The following KMT2A variants were observed in gnomAD, a reference collection of about 807,000 sequenced individuals.
KMT2A encodes lysine methyltransferase 2A, also known as histone-lysine N-methyltransferase 2A.
In KMT2A, 16 loss-of-function variants were observed where a neutral mutation model predicts 345.3. That is an observed-to-expected ratio of 0.05 (90% CI 0.03 to 0.07). The LOEUF (loss-of-function observed/expected upper bound fraction) is 0.07, where lower values mean the gene tolerates loss of function less well. KMT2A is among the 10% of genes least tolerant of loss of function. KMT2A has a pLI of 1.00. For synonymous variants in KMT2A, 1,599 were observed against 1,778.6 expected, an observed-to-expected ratio of 0.90 and a Z score of 2.54; for missense variants, 3,272 against 4,841.6, an observed-to-expected ratio of 0.68 and a Z score of 9.62.
Position 118,509,184 on chromosome 11 carries a change from T to C in KMT2A, c.10884T>C (p.Asn3628=), listed in dbSNP as rs1950640978. The change falls in exon 29 of 36, where the codon AAT becomes AAC. Residue 3628 remains asparagine (N), a synonymous_variant. Coordinates refer to ENST00000534358, the MANE Select transcript of KMT2A (RefSeq NM_001197104.2). ...TTCAGGTGACCCAAAATCCAGCAAA[T>C]GAACAAGAAAGTGCAGGTATGTGGG... ...PEVQVTQNPA[N]EQESAEPKTV... 1 of 1,613,608 alleles carries C rather than the reference T, an allele frequency of 6.2e-7. No homozygotes were observed. The highest frequency in any genetic ancestry group is 1.3e-5 in the African/African-American group (1 of 74,858).
chr11:118,519,061 G>C (rs1464814425), intron 31 of KMT2A, among the ~76,000 whole-genome samples: 2 of 113,026 alleles, frequency 1.8e-5, no homozygotes, highest in African/African-American at 3.4e-5. Flanking sequence ...CTGGGTGGCA[G>C]AGTGAGACTC....
chr11:118,498,565 A>G lies in KMT2A; in HGVS notation c.5961+37A>G. The G allele has an allele frequency of 6.5e-7, 1 of 1,536,018 alleles. No homozygotes were observed. The highest frequency in any genetic ancestry group is 8.7e-7 in the Non-Finnish European group (1 of 1,142,944). ...TTAGTTGCTTTAAAAAAAAAAAAAA[A>G]GACTTTTTTAGAGCAGTTTTAGGTT... On this transcript the variant is annotated intron_variant, in intron 22 of 35. Coordinates refer to ENST00000534358, the MANE Select transcript of KMT2A (RefSeq NM_001197104.2). This position sits in a 1 kb window ranked among gnomAD's most constrained non-coding sequence, Gnocchi z 4.4.
intron 31 of KMT2A, chr11:118,512,241 A>AATTATAGAAC: frequency 1.7e-6 from 1 of 573,966 alleles, no homozygotes; most frequent in South Asian, 2.3e-5. Flanking sequence ...ACTACTCTAT[A>AATTATAGAAC]ATTCTAGAAC....
intron 11 of KMT2A, among the ~76,000 whole-genome samples, chr11:118,489,491 G>T (rs1197648685): frequency 1.3e-5 from 2 of 151,912 alleles, no homozygotes; most frequent in Non-Finnish European, 2.9e-5. Flanking sequence ...CATTTAATTG[G>T]GTGTAATCAG....
At position 118,473,397 on chromosome 11, in the gene KMT2A, T is replaced by A. The variant is rs2134266956; in HGVS notation, c.2238T>A (p.Ser746=). ...GAAAAGTGTTTAGTCCTATTCGATCTGAACCAAGATCTCCTTCTCACTCCA... is the reference window on the plus strand; with the variant it reads ...GAAAAGTGTTTAGTCCTATTCGATCAGAACCAAGATCTCCTTCTCACTCCA... ...RKRKVFSPIR[S]EPRSPSHSMR... is the part of the protein sequence containing the mutation. Residue 746 remains serine, a synonymous_variant, in exon 3 of 36, where the codon TCT becomes TCA. Transcript: ENST00000534358. The surrounding 1 kb of genome is among the most constrained non-coding windows in gnomAD (Gnocchi z 5.2). 1.9e-6 allele frequency: 3 copies of A among 1,614,232 alleles called. No homozygotes were observed. Among genetic ancestry groups the A allele is most frequent in the Non-Finnish European group, 2.5e-6 (3 of 1,180,038 alleles).
In KMT2A at chr11:118,494,569, G is replaced by A; in HGVS notation, c.5290-125G>A. ...GGAACTTGGTGAGGTTGCCAGAGTG[G>A]ATGGATCTTTCTCTTGGTGGCCTGA... On this transcript the variant is annotated intron_variant, in intron 17 of 35. Transcript: ENST00000534358. The surrounding 1 kb of genome is among the most constrained non-coding windows in gnomAD (Gnocchi z 5.8). 1.2e-5 allele frequency: 11 copies of A among 936,438 alleles called. No homozygotes were observed. In the South Asian group the frequency reaches 1.7e-4, roughly 14 times the overall value. 58.0% of individuals were successfully genotyped at this position (936,438 alleles called of 1,614,324 possible).
At chr11:118,465,642 C>T (rs1949830415) in intron 1 of KMT2A, among the ~76,000 whole-genome samples, 1 of 152,158 alleles carries the variant, frequency 6.6e-6, no homozygotes, top group Admixed American at 6.5e-5. Flanking sequence ...CCTTCTCTCC[C>T]CACATCCAGC....
chr11:118,502,305 T>TAC lies in KMT2A; in HGVS notation c.6506-92_6506-91insCA. On this transcript the variant is annotated intron_variant, in intron 26 of 35. Coordinates refer to ENST00000534358, the MANE Select transcript of KMT2A (RefSeq NM_001197104.2). The surrounding 1 kb of genome is among the most constrained non-coding windows in gnomAD (Gnocchi z 4.9). ...ATGTAGATTTCCAGTTACCTATAAA[T>TAC]ATATATATATATAGTCAAATCATTG... The TAC allele has an allele frequency of 2.1e-6, 1 of 466,368 alleles. No homozygotes were observed. Among genetic ancestry groups the TAC allele is most frequent in the Admixed American group, 4.1e-5 (1 of 24,408 alleles). The allele number at this position is 466,368 out of a possible 1,614,324, so 28.9% of individuals were successfully genotyped here. A position where few individuals can be genotyped will look rare whatever the true frequency, so the allele number is the denominator to read the frequency against.
At chr11:118,447,197 A>G (rs1949440267) in intron 1 of KMT2A, among the ~76,000 whole-genome samples, 1 of 152,116 alleles carries the variant, frequency 6.6e-6, no homozygotes, top group East Asian at 1.9e-4. Context: ...AACCCCGTAT[A>G]CCTTATGTCG....
At chr11:118,516,320 G>A (rs1392786815) in intron 31 of KMT2A, among the ~76,000 whole-genome samples, 3 of 152,172 alleles carry the variant, frequency 2.0e-5, no homozygotes, top group Admixed American at 2.0e-4. Context: ...ATGATGAGAA[G>A]AAGCCAATCA....
rs1041258435 is a variant in KMT2A at position 118,502,084 on chromosome 11, C to T, written c.6505+227C>T. ...CCTGGCCAACATGGTGAAACCCTATCTCTACTAAAAATTCAAAAATTAGCC... is the reference window on the plus strand; with the variant it reads ...CCTGGCCAACATGGTGAAACCCTATTTCTACTAAAAATTCAAAAATTAGCC... On this transcript the variant is annotated intron_variant, in intron 26 of 35. Coordinates refer to ENST00000534358, the MANE Select transcript of KMT2A (RefSeq NM_001197104.2). The surrounding 1 kb of genome is among the most constrained non-coding windows in gnomAD (Gnocchi z 4.9). 5.3e-5 allele frequency among the ~76,000 whole-genome samples: 8 copies of T among 152,076 alleles called. No homozygotes were observed. The East Asian group carries it at 1.5e-3, about 29-fold the overall frequency.
chr11:118,474,994 G>A (rs1258299103), intron 3 of KMT2A, among the ~76,000 whole-genome samples: 1 of 151,930 alleles, frequency 6.6e-6, no homozygotes, highest in Non-Finnish European at 1.5e-5. Context: ...TTAGCTGGGC[G>A]TGGTGATGCA....
chr11:118,436,564 G>A lies in KMT2A; in HGVS notation c.52G>A (p.Gly18Ser). The change falls in exon 1 of 36, where the codon GGC becomes AGC. Residue 18 changes from glycine to serine, a missense_variant. This residue lies in a region of KMT2A where 412 missense variants were observed against 511.0 expected (regional missense o/e 0.81). Transcript: ENST00000534358. This position sits in a 1 kb window ranked among gnomAD's most constrained non-coding sequence, Gnocchi z 6.9. The stretch of plus-strand genomic sequence containing the variant: ...CCCCGCCCGACCCGGGACCACCGGG[G>A]GCGGCGGCGGCGGGGGGCGCCGGGG... The part of the protein sequence containing the change: ...RFPARPGTTG[G>S]GGGGGRRGLG... The A allele has an allele frequency of 1.7e-6, 2 of 1,175,704 alleles. No homozygotes were observed. Among genetic ancestry groups the A allele is most frequent in the South Asian group, 4.2e-5 (1 of 23,996 alleles). 72.8% of individuals were successfully genotyped at this position (1,175,704 alleles called of 1,614,324 possible).
At chr11:118,488,211 A>G (rs1451396337) in intron 10 of KMT2A, among the ~76,000 whole-genome samples, 1 of 152,152 alleles carries the variant, frequency 6.6e-6, no homozygotes, top group Admixed American at 6.5e-5. Context: ...AAAACAATTA[A>G]AAAAATAAAA....
chr11:118,472,843 C>T lies in KMT2A; in HGVS notation c.1684C>T (p.Pro562Ser), dbSNP rs555088832. 2.5e-6 allele frequency: 4 copies of T among 1,613,968 alleles called. No individual in the cohort carries two copies. Among genetic ancestry groups the T allele is most frequent in the South Asian group, 1.1e-5 (1 of 91,064 alleles). ...APQQQTSSSP[P>S]PPLLTPPPPL... ...CCAGCAGCAGACCTCCTCGTCTCCA[C>T]CTCCACCTCTGCTGACTCCACCGCC... Residue 562 changes from proline to serine, a missense_variant, in exon 3 of 36, where the codon CCT becomes TCT. Transcript: ENST00000534358.
Position 118,504,229 on chromosome 11 carries a change from T to C in KMT2A, c.8337T>C (p.Asn2779=). 6.2e-7 allele frequency: 1 copy of C among 1,614,094 alleles called. No individual in the cohort carries two copies. Among genetic ancestry groups the C allele is most frequent in the Non-Finnish European group, 8.5e-7 (1 of 1,180,012 alleles). ...CTAAGAGTTCTGTTGGCCACAAAAA[T>C]GAGCCAAAGATGGATAACTGCCATT... The part of the protein sequence containing the change: ...HVTKSSVGHK[N]EPKMDNCHSV... The change falls in exon 27 of 36, where the codon AAT becomes AAC. Residue 2779 remains asparagine, a synonymous_variant. Transcript: ENST00000534358. This position sits in a 1 kb window ranked among gnomAD's most constrained non-coding sequence, Gnocchi z 6.4.
At chr11:118,451,476 C>T (rs1402772802) in intron 1 of KMT2A, among the ~76,000 whole-genome samples, 4 of 152,176 alleles carry the variant, frequency 2.6e-5, no homozygotes, top group African/African-American at 9.7e-5. Context: ...CAACCTCCAC[C>T]TCCTGGGCTC....
intron 1 of KMT2A, among the ~76,000 whole-genome samples, chr11:118,460,725 G>A (rs1949729782): frequency 6.6e-6 from 1 of 152,160 alleles, no homozygotes; most frequent in African/African-American, 2.4e-5. Context: ...TGGATTCACA[G>A]GTGCAATAAT....
rs1296425139 is a variant in KMT2A at position 118,455,674 on chromosome 11, TTTTTTATTTTTA to T, written c.433-13085_433-13074del. 6.4e-4 allele frequency among the ~76,000 whole-genome samples: 97 copies of T among 151,246 alleles called. No homozygotes were observed. The Middle Eastern group carries it at 0.014, about 21-fold the overall frequency. ...TCTCTGCCCCTTATTATTATTATTT[TTTTTTATTTTTA>T]TTTTTATTTTTATTTATTTATTTTT... On this transcript the variant is annotated intron_variant, in intron 1 of 35. Coordinates refer to ENST00000534358, the MANE Select transcript of KMT2A (RefSeq NM_001197104.2).
Sources: allele counts gnomAD v4.1 joint callset (sites outside exome capture counted in the v4.1 genomes callset), GRCh38; gene constraint gnomAD v4.1.1; regional missense constraint gnomAD v4.1.1; non-coding constraint Gnocchi (gnomAD v3.1); transcripts MANE v1.5; gene names NCBI Gene and HGNC (gene_info 2026-07-23, HGNC 2026-07-21).